The following PPP4R4 variants were observed in gnomAD, a reference collection of about 807,000 sequenced individuals.
The protein encoded by PPP4R4 is serine/threonine-protein phosphatase 4 regulatory subunit 4.
Under a neutral mutation model 121.8 loss-of-function variants are expected in PPP4R4, and 70 were observed. That is an observed-to-expected ratio of 0.57 (90% confidence interval 0.47 to 0.70). PPP4R4 has a LOEUF of 0.70. Ranked by LOEUF, PPP4R4 falls within the 30% of genes least tolerant of loss-of-function variation. PPP4R4 has a pLI of 0.00. For missense variants in PPP4R4, 875 were observed against 1,033.6 expected (o/e 0.85, Z 2.10); for synonymous variants, 348 against 355.7 (o/e 0.98, Z 0.24).
chr14:94,186,616 A>G (rs1296466204), intron 2 of PPP4R4, among the ~76,000 whole-genome samples: 1 of 152,198 alleles, frequency 6.6e-6, no homozygotes, highest in Non-Finnish European at 1.5e-5. Context: ...TCTGGTAAAC[A>G]TCGAATTGCT....
chr14:94,205,920 G>A (rs991893870), intron 2 of PPP4R4, among the ~76,000 whole-genome samples: 6 of 151,626 alleles, frequency 4.0e-5, no homozygotes, highest in African/African-American at 9.7e-5. Context: ...TATATTCTTC[G>A]GGCACTTGAA....
intron 3 of PPP4R4, among the ~76,000 whole-genome samples, chr14:94,217,711 T>C (rs1423226443): frequency 2.0e-5 from 3 of 152,078 alleles, no homozygotes; most frequent in Admixed American, 6.5e-5. Flanking sequence ...ATGCTAGAAA[T>C]AGGCCGGGCG....
intron 2 of PPP4R4, among the ~76,000 whole-genome samples, chr14:94,178,898 G>A (rs775626099): frequency 6.6e-6 from 1 of 152,138 alleles, no homozygotes; most frequent in Non-Finnish European, 1.5e-5. Context: ...AGAATCCTAA[G>A]TATGTATACT....
At chr14:94,275,578 A>G in intron 24 of PPP4R4, 57 bp downstream of exon 24, 1 of 1,567,780 alleles carries the variant, frequency 6.4e-7, no homozygotes, top group Non-Finnish European at 8.8e-7. Flanking sequence ...TGCTTAACAC[A>G]CTTTCCTTCC....
At chr14:94,191,986 A>AT (rs937722130) in intron 2 of PPP4R4, among the ~76,000 whole-genome samples, 10 of 151,830 alleles carry the variant, frequency 6.6e-5, no homozygotes, top group African/African-American at 9.7e-5. Flanking sequence ...GGTGAATCCC[A>AT]TTTTTTTTCC....
intron 23 of PPP4R4, among the ~76,000 whole-genome samples, chr14:94,273,108 A>G (rs1894430713): frequency 6.6e-6 from 1 of 152,204 alleles, no homozygotes; most frequent in African/African-American, 2.4e-5. Flanking sequence ...AGACATTCTT[A>G]CCATATGATC....
intron 2 of PPP4R4, among the ~76,000 whole-genome samples, chr14:94,198,422 C>T (rs1447043684): frequency 6.6e-6 from 1 of 152,230 alleles, no homozygotes; most frequent in Admixed American, 6.5e-5. Flanking sequence ...ATTCTAGATA[C>T]AAGTTGTTTG....
At chr14:94,231,101 A>G in intron 4 of PPP4R4, 141 bp from the exon 5 acceptor site, 1 of 663,968 alleles carries the variant, frequency 1.5e-6, no homozygotes, top group African/African-American at 1.8e-5. Flanking sequence ...GAGACAAAAT[A>G]ATAGAGAAAC....
At chr14:94,177,703 G>A (rs1008901685) in intron 2 of PPP4R4, among the ~76,000 whole-genome samples, 1 of 152,138 alleles carries the variant, frequency 6.6e-6, no homozygotes, top group Non-Finnish European at 1.5e-5. Flanking sequence ...TCAGTGATAA[G>A]GCTTCTTTTT....
chr14:94,177,876 A>G (rs1888763010), intron 2 of PPP4R4, among the ~76,000 whole-genome samples: 1 of 152,228 alleles, frequency 6.6e-6, no homozygotes, highest in Non-Finnish European at 1.5e-5. Context: ...GGACAAGAGA[A>G]TTTTAAAAGA....
At chr14:94,215,222 G>A (rs940869674) in intron 3 of PPP4R4, among the ~76,000 whole-genome samples, 5 of 151,954 alleles carry the variant, frequency 3.3e-5, no homozygotes, top group Non-Finnish European at 5.9e-5. Context: ...TTTACAGTTC[G>A]GAAAATCTAG....
At chr14:94,229,055 T>C (rs1891873816) in intron 3 of PPP4R4, among the ~76,000 whole-genome samples, 1 of 152,164 alleles carries the variant, frequency 6.6e-6, no homozygotes, top group Admixed American at 6.5e-5. Context: ...AAAAGGACTT[T>C]GACATTTCCT....
At chr14:94,259,268 C>A in intron 18 of PPP4R4, 27 bp from the exon 19 acceptor site, 1 of 1,586,886 alleles carries the variant, frequency 6.3e-7, no homozygotes, top group Admixed American at 1.8e-5. Context: ...ACTAATGTTT[C>A]ACAATTTCAT....
intron 2 of PPP4R4, among the ~76,000 whole-genome samples, chr14:94,179,897 C>T (rs1399608415): frequency 2.0e-5 from 3 of 152,130 alleles, no homozygotes; most frequent in East Asian, 1.9e-4. Flanking sequence ...ATATATGCCT[C>T]TTAATGGAAT....
chr14:94,184,064 C>T (rs1275537371), intron 2 of PPP4R4, among the ~76,000 whole-genome samples: 1 of 152,136 alleles, frequency 6.6e-6, no homozygotes, highest in Non-Finnish European at 1.5e-5. Flanking sequence ...CCAACGCTCC[C>T]TCTTGAGAAG....
intron 3 of PPP4R4, 144 bp from the exon 4 acceptor site, chr14:94,230,443 T>C: frequency 2.8e-6 from 2 of 703,376 alleles, no homozygotes; most frequent in Non-Finnish European, 4.5e-6. Context: ...AATATAGTTC[T>C]CTGAAATAAG....
intron 19 of PPP4R4, among the ~76,000 whole-genome samples, chr14:94,261,474 C>T (rs1893782499): frequency 6.6e-6 from 1 of 151,840 alleles, no homozygotes; most frequent in African/African-American, 2.4e-5. Context: ...TTTAGATTTT[C>T]TAAAACTAAA....
chr14:94,230,727 G>A lies in PPP4R4; in HGVS notation c.435G>A (p.Arg145=). The part of the protein sequence containing the change: ...LQVILLHLEH[R]DTGVSNAWLE... The stretch of plus-strand genomic sequence containing the variant: ...TCATTCTCCTGCATCTGGAGCACAG[G>A]GACACAGGTCAGGGGCCTGGCATGC... The change falls in exon 4 of 25, where the codon AGG becomes AGA. Residue 145 remains arginine, a synonymous_variant. Transcript: ENST00000304338. The A allele has an allele frequency of 6.2e-7, 1 of 1,612,778 alleles. No homozygotes were observed. The highest frequency in any genetic ancestry group is 8.5e-7 in the Non-Finnish European group (1 of 1,179,208).
intron 17 of PPP4R4, among the ~76,000 whole-genome samples, 155 bp from the exon 18 acceptor site, chr14:94,258,628 T>C (rs73344834): frequency 0.031 from 4,695 of 152,296 alleles, 198 homozygotes; most frequent in African/African-American, 0.09. Flanking sequence ...GTAAGTACAA[T>C]GTAGAATTGG....
Sources: gnomAD v4.1 joint callset for allele counts (sites outside exome capture counted in the v4.1 genomes callset) on GRCh38, gnomAD v4.1.1 for gene constraint, MANE v1.5 for transcripts, NCBI Gene and HGNC (gene_info 2026-07-23, HGNC 2026-07-21) for gene names.